WWOX: variants seen among roughly 807,000 people sequenced by gnomAD.
WWOX encodes WW domain-containing oxidoreductase.
Under a neutral mutation model 46.2 loss-of-function variants are expected in WWOX, and 69 were observed. The ratio of observed to expected loss-of-function variants is 1.49; its 90% CI spans 1.23 to 1.82. The LOEUF is 1.82. WWOX is among the 40% of genes most tolerant of loss of function. The pLI, the probability that WWOX is intolerant of heterozygous loss-of-function variation, is 0.00. For synonymous variants in WWOX, 359 were observed against 202.6 expected, an observed-to-expected ratio of 1.77 and a Z score of -6.56; for missense variants, 919 against 542.6, an observed-to-expected ratio of 1.69 and a Z score of -6.89.
chr16:78,759,317 G>A (rs1310846071), intron 8 of WWOX, among the ~76,000 whole-genome samples: 1 of 152,184 alleles, frequency 6.6e-6, no homozygotes, highest in South Asian at 2.1e-4. Context: ...ATTCGTAAGT[G>A]TGCACTGTCT....
intron 8 of WWOX, among the ~76,000 whole-genome samples, chr16:79,092,177 C>G (rs1434515435): frequency 1.3e-5 from 2 of 152,002 alleles, no homozygotes; most frequent in African/African-American, 4.8e-5. Flanking sequence ...AGAAGGCTTC[C>G]TACTTCATTT....
chr16:78,599,430 G>T (rs538050183), intron 8 of WWOX, among the ~76,000 whole-genome samples: 3 of 152,194 alleles, frequency 2.0e-5, no homozygotes, highest in African/African-American at 7.2e-5. Context: ...CTAAGGCTGT[G>T]GCCATGGCTG....
rs59881601 is a variant in WWOX at position 78,388,645 on chromosome 16, C to CAAAAAA, written c.605+1724_605+1729dup. Among the ~76,000 whole-genome samples the CAAAAAA allele has an allele frequency of 3.8e-4, 20 of 53,048 alleles. 1 individual carries two copies. The highest frequency in any genetic ancestry group is 3.7e-3 in the East Asian group (6 of 1,610). 34.8% of individuals were successfully genotyped at this position (53,048 alleles called of 152,430 possible). On this transcript the variant is annotated intron_variant, in intron 6 of 8. Transcript: ENST00000566780. ...CTGGCGACAGATTGAGACTCCGTCT[C>CAAAAAA]AAAAAAAAAAAAAAAAAAAAAAAAA...
intron 8 of WWOX, among the ~76,000 whole-genome samples, chr16:78,906,697 T>G (rs1193382486): frequency 2.0e-5 from 3 of 152,234 alleles, no homozygotes; most frequent in Admixed American, 1.3e-4. Flanking sequence ...GGAAGGACCT[T>G]ATCCTGTCAG....
intron 8 of WWOX, among the ~76,000 whole-genome samples, chr16:78,869,005 C>G (rs545471827): frequency 2.6e-5 from 4 of 152,236 alleles, no homozygotes; most frequent in Admixed American, 1.3e-4. Flanking sequence ...TAAAAAGTCA[C>G]AAAGGCCAAA....
intron 8 of WWOX, among the ~76,000 whole-genome samples, chr16:78,965,072 C>T (rs367717442): frequency 1.1e-3 from 162 of 152,284 alleles, no homozygotes; most frequent in Middle Eastern, 3.4e-3. Flanking sequence ...TCATGGAGAA[C>T]CTCTGCTAGG....
intron 5 of WWOX, among the ~76,000 whole-genome samples, chr16:78,224,906 A>T (rs547366069): frequency 6.6e-6 from 1 of 152,230 alleles, no homozygotes; most frequent in East Asian, 1.9e-4. Context: ...TTTGCAAATG[A>T]TCTATTAATG....
chr16:78,505,041 TCTC>T (rs1245211585), intron 8 of WWOX, among the ~76,000 whole-genome samples: 1 of 152,148 alleles, frequency 6.6e-6, no homozygotes, highest in Non-Finnish European at 1.5e-5. Context: ...CACAGTTCCT[TCTC>T]CTCCTCTAAG....
At chr16:78,716,228 T>C (rs562678979) in intron 8 of WWOX, among the ~76,000 whole-genome samples, 4 of 151,580 alleles carry the variant, frequency 2.6e-5, no homozygotes, top group South Asian at 2.1e-4. Context: ...GAGGCAGAGA[T>C]TGAAATTGTG....
intron 8 of WWOX, 140 bp downstream of exon 8, chr16:78,432,892 G>C (rs1328561679): frequency 6.0e-6 from 8 of 1,336,736 alleles, no homozygotes; most frequent in Non-Finnish European, 8.5e-6. Context: ...AAGGGCTCTT[G>C]AACACATTTT....
chr16:78,209,648 A>T (rs568242393), intron 5 of WWOX, among the ~76,000 whole-genome samples: 3 of 152,228 alleles, frequency 2.0e-5, no homozygotes, highest in African/African-American at 7.2e-5. Flanking sequence ...TGTGGAGTCA[A>T]TTGGGAGTAC....
chr16:78,993,097 T>C (rs1377670049), intron 8 of WWOX, among the ~76,000 whole-genome samples: 1 of 152,156 alleles, frequency 6.6e-6, no homozygotes, highest in Non-Finnish European at 1.5e-5. Context: ...GAAATTTAAC[T>C]TTTGTGGAAA....
At chr16:78,462,054 A>G (rs1256920670) in intron 8 of WWOX, among the ~76,000 whole-genome samples, 1 of 152,242 alleles carries the variant, frequency 6.6e-6, no homozygotes, top group Non-Finnish European at 1.5e-5. Flanking sequence ...TTACATATGC[A>G]CATTATGAAC....
chr16:78,515,683 C>T (rs1359490459), intron 8 of WWOX, among the ~76,000 whole-genome samples: 1 of 152,198 alleles, frequency 6.6e-6, no homozygotes, highest in Non-Finnish European at 1.5e-5. Flanking sequence ...CGCTCCCTTC[C>T]ACACCTGCCT....
intron 8 of WWOX, among the ~76,000 whole-genome samples, chr16:78,807,857 G>T (rs1012696008): frequency 3.3e-5 from 5 of 152,130 alleles, no homozygotes; most frequent in African/African-American, 1.2e-4. Context: ...TCACTTCTTC[G>T]GTTTCATTAA....
chr16:78,156,214 G>A (rs72804941), intron 4 of WWOX, among the ~76,000 whole-genome samples: 21,079 of 152,022 alleles, frequency 0.14, 1,564 homozygotes, highest in South Asian at 0.2. Context: ...GCCTGTTGCT[G>A]CTGTCTTGTC....
At chr16:78,687,721 T>C (rs2047895053) in intron 8 of WWOX, among the ~76,000 whole-genome samples, 1 of 152,246 alleles carries the variant, frequency 6.6e-6, no homozygotes, top group East Asian at 1.9e-4. Context: ...GCTTCATTTT[T>C]AGGCATTATG....
chr16:79,138,639 A>T (rs1424634034), intron 8 of WWOX, among the ~76,000 whole-genome samples: 1 of 152,066 alleles, frequency 6.6e-6, no homozygotes, highest in Non-Finnish European at 1.5e-5. Flanking sequence ...TTAACCCAAC[A>T]CTTAGAGGGG....
chr16:78,823,192 G>A (rs1271613166), intron 8 of WWOX, among the ~76,000 whole-genome samples: 1 of 152,216 alleles, frequency 6.6e-6, no homozygotes, highest in Non-Finnish European at 1.5e-5. Flanking sequence ...TCTAATGGTG[G>A]AAACGGTCAC....
Sources: gnomAD v4.1 joint callset for allele counts (sites outside exome capture counted in the v4.1 genomes callset) on GRCh38, gnomAD v4.1.1 for gene constraint, MANE v1.5 for transcripts, NCBI Gene and HGNC (gene_info 2026-07-23, HGNC 2026-07-21) for gene names.